The following RB1 variants were observed in gnomAD, a reference collection of about 807,000 sequenced individuals.
RB1 encodes RB transcriptional corepressor 1.
RB1 carries 18 observed loss-of-function variants against 135.4 expected under a neutral mutation model. The ratio of observed to expected loss-of-function variants is 0.13; its 90% confidence interval spans 0.09 to 0.20. RB1 has a LOEUF of 0.20. Ranked by LOEUF, RB1 falls within the 10% of genes least tolerant of loss-of-function variation. The probability of loss-of-function intolerance (pLI) is 1.00; values close to 1 mark genes in which losing one functional copy is unlikely to be tolerated. For synonymous variants in RB1, 365 were observed against 373.2 expected, an observed-to-expected ratio of 0.98 and a Z score of 0.25; for missense variants, 868 against 1,110.0, an observed-to-expected ratio of 0.78 and a Z score of 3.10.
At chr13:48,459,320 T>TA (rs1198455279) in intron 19 of RB1, among the ~76,000 whole-genome samples, 2 of 152,122 alleles carry the variant, frequency 1.3e-5, no homozygotes, top group Non-Finnish European at 2.9e-5. Context: ...ACCTATTTTT[T>TA]AAAAAAACTC....
intron 2 of RB1, among the ~76,000 whole-genome samples, chr13:48,309,432 T>A (rs542426859): frequency 1.2e-4 from 18 of 152,320 alleles, no homozygotes; most frequent in African/African-American, 4.3e-4. Context: ...TTCCAAAGAA[T>A]TGAACATAGT....
chr13:48,349,087 TG>T, intron 6 of RB1, 64 bp downstream of exon 6: 1 of 1,505,584 alleles, frequency 6.6e-7, no homozygotes, highest in Non-Finnish European at 9.0e-7. Flanking sequence ...GGCATTCCTT[TG>T]GACTAAATTC....
chr13:48,362,011 G>A (rs555042832), intron 7 of RB1, among the ~76,000 whole-genome samples: 3 of 148,980 alleles, frequency 2.0e-5, no homozygotes, highest in East Asian at 2.0e-4. Context: ...TCAGTGGCGC[G>A]ATCTCAGCTC....
At chr13:48,398,826 C>T (rs1285331264) in intron 17 of RB1, among the ~76,000 whole-genome samples, 2 of 151,994 alleles carry the variant, frequency 1.3e-5, no homozygotes, top group Non-Finnish European at 2.9e-5. Flanking sequence ...TAAGTGAAAG[C>T]ATAATATGTA....
At chr13:48,436,786 TATTC>T (rs1276573591) in intron 17 of RB1, among the ~76,000 whole-genome samples, 2 of 152,244 alleles carry the variant, frequency 1.3e-5, no homozygotes, top group African/African-American at 4.8e-5. Flanking sequence ...TTCTATTTTC[TATTC>T]TAGTTTCCTC....
chr13:48,411,848 T>A (rs770380745), intron 17 of RB1: 22 of 1,613,480 alleles, frequency 1.4e-5, no homozygotes, highest in Non-Finnish European at 1.8e-5. Context: ...GAATAAAAAA[T>A]CCCACTATTT....
intron 17 of RB1, among the ~76,000 whole-genome samples, chr13:48,450,481 GTCTTA>G (rs1949320028): frequency 6.6e-6 from 1 of 152,128 alleles, no homozygotes; most frequent in Non-Finnish European, 1.5e-5. Flanking sequence ...TAGGTGTGTG[GTCTTA>G]TTTCTGAGTC....
At chr13:48,375,144 T>C (rs1291057955) in intron 12 of RB1, among the ~76,000 whole-genome samples, 1 of 152,174 alleles carries the variant, frequency 6.6e-6, no homozygotes, top group Non-Finnish European at 1.5e-5. Flanking sequence ...ATTCCATGTC[T>C]TTGCTATTGT....
chr13:48,466,464 A>T (rs1949445350), intron 23 of RB1, among the ~76,000 whole-genome samples: 1 of 147,664 alleles, frequency 6.8e-6, no homozygotes, highest in Admixed American at 6.8e-5. Context: ...GGGAAAAAAC[A>T]GAACAGAAAA....
chr13:48,383,859 A>G (rs1370803851), intron 17 of RB1, among the ~76,000 whole-genome samples: 1 of 152,130 alleles, frequency 6.6e-6, no homozygotes, highest in Non-Finnish European at 1.5e-5. Context: ...ATTGATATTG[A>G]GATATTCCTG....
chr13:48,323,181 C>T (rs1220234550), intron 2 of RB1, among the ~76,000 whole-genome samples: 3 of 152,062 alleles, frequency 2.0e-5, no homozygotes, highest in African/African-American at 4.8e-5. Context: ...TTCAAAATTA[C>T]TAATTCAGTC....
rs1351932338 is a variant in RB1, at chr13:48,351,679, AT to A, written c.607+2668del. ...TTGCCTGTTCCTATGTCTAGGATCT[AT>A]TTTTTTTTTTTGAGACAGAGTCTCA... On this transcript the variant is annotated intron_variant, in intron 6 of 26. Transcript: ENST00000267163. Among the ~76,000 whole-genome samples, 415 of 142,148 alleles carry A rather than the reference AT, an allele frequency of 2.9e-3. 3 individuals carry two copies. Among genetic ancestry groups the A allele is most frequent in the Admixed American group, 3.9e-3 (56 of 14,236 alleles). The allele number at this position is 142,148 out of a possible 152,430, so 93.3% of individuals were successfully genotyped here.
intron 2 of RB1, among the ~76,000 whole-genome samples, chr13:48,322,814 T>A (rs1282819727): frequency 1.3e-5 from 2 of 152,218 alleles, no homozygotes; most frequent in African/African-American, 4.8e-5. Context: ...TGGTGTAGTA[T>A]ATTAGTTGAT....
In RB1 at chr13:48,465,413, A is replaced by C. The variant is rs751454484; in HGVS notation, c.2489+45A>C. On this transcript the variant is annotated intron_variant, in intron 23 of 26. Coordinates refer to ENST00000267163, the MANE Select transcript of RB1 (RefSeq NM_000321.3). ...GGAAGTAGTAAAGAATGAGAGGGGG[A>C]TTATTTTGATCCAAGAATAAAAAAT... 5 of 1,497,504 alleles carry C rather than the reference A, an allele frequency of 3.3e-6. No individual in the cohort carries two copies. In the Admixed American group the frequency reaches 8.4e-5, roughly 25 times the overall value. 92.8% of individuals were successfully genotyped at this position (1,497,504 alleles called of 1,614,324 possible).
intron 17 of RB1, chr13:48,411,510 T>G (rs1466597893): frequency 1.2e-6 from 2 of 1,612,762 alleles, no homozygotes; most frequent in Non-Finnish European, 1.7e-6. Context: ...AGACCAGTTT[T>G]TCATTTTTAT....
intron 19 of RB1, among the ~76,000 whole-genome samples, chr13:48,456,602 C>A (rs1357483322): frequency 6.6e-6 from 1 of 152,232 alleles, no homozygotes; most frequent in African/African-American, 2.4e-5. Context: ...CCACCGGGCT[C>A]ATTTCAGCCC....
chr13:48,416,186 A>G (rs1948905740), intron 17 of RB1: 1 of 152,224 alleles, frequency 6.6e-6, no homozygotes, highest in Non-Finnish European at 1.5e-5. Flanking sequence ...TCCCAGCGAA[A>G]TCAACGCAGA....
chr13:48,463,638 CT>C (rs1949418862), intron 20 of RB1, 92 bp from the exon 21 acceptor site: 2 of 852,180 alleles, frequency 2.3e-6, no homozygotes, highest in African/African-American at 3.3e-5. Context: ...TTAAACCTTT[CT>C]TTTTTGAGGC....
intron 17 of RB1, among the ~76,000 whole-genome samples, chr13:48,404,019 A>AT (rs1275985998): frequency 1.3e-5 from 2 of 152,258 alleles, no homozygotes; most frequent in East Asian, 3.9e-4. Flanking sequence ...ACGAAAAAAA[A>AT]GCACCTTCCT....
Sources: allele counts gnomAD v4.1 joint callset (sites outside exome capture counted in the v4.1 genomes callset), GRCh38; gene constraint gnomAD v4.1.1; transcripts MANE v1.5; gene names NCBI Gene and HGNC (gene_info 2026-07-23, HGNC 2026-07-21).